The following CAMK2D variants were observed in gnomAD, a reference collection of about 807,000 sequenced individuals.
CAMK2D encodes calcium/calmodulin dependent protein kinase II delta, also known as calcium/calmodulin-dependent protein kinase type II subunit delta.
Under a neutral mutation model 84.0 loss-of-function variants are expected in CAMK2D, and 37 were observed. That is an observed-to-expected ratio of 0.44 (90% CI 0.34 to 0.58). The LOEUF (loss-of-function observed/expected upper bound fraction) is 0.58, where lower values mean the gene tolerates loss of function less well. Among genes scored for constraint, CAMK2D ranks in the 20% least tolerant of loss-of-function variants. The pLI is 0.02. For synonymous variants in CAMK2D, 202 were observed against 212.5 expected (o/e 0.95, Z 0.43); for missense variants, 448 against 652.5 (o/e 0.69, Z 3.41).
At chr4:113,693,953 T>C (rs1425227774) in intron 2 of CAMK2D, among the ~76,000 whole-genome samples, 1 of 152,190 alleles carries the variant, frequency 6.6e-6, no homozygotes, top group Non-Finnish European at 1.5e-5. Flanking sequence ...AATTTTAATA[T>C]ATCTACTCAC....
chr4:113,711,740 C>T (rs1554071880), intron 2 of CAMK2D, among the ~76,000 whole-genome samples: 1 of 152,158 alleles, frequency 6.6e-6, no homozygotes, highest in Non-Finnish European at 1.5e-5. Flanking sequence ...AGGGCCTTCA[C>T]TAACTCTCCA....
At chr4:113,753,170 A>T (rs1230556006) in intron 2 of CAMK2D, among the ~76,000 whole-genome samples, 2 of 152,056 alleles carry the variant, frequency 1.3e-5, no homozygotes, top group Non-Finnish European at 2.9e-5. Context: ...TGGACATAAT[A>T]TTGTTCTAGG....
intron 4 of CAMK2D, among the ~76,000 whole-genome samples, chr4:113,574,844 TG>T (rs1285821335): frequency 1.3e-5 from 2 of 152,218 alleles, no homozygotes; most frequent in East Asian, 3.8e-4. Context: ...AACACATAAA[TG>T]AAAACATTAA....
intron 2 of CAMK2D, among the ~76,000 whole-genome samples, chr4:113,753,201 T>C (rs2099621250): frequency 1.3e-5 from 2 of 152,054 alleles, no homozygotes; most frequent in African/African-American, 4.8e-5. Flanking sequence ...GTGGATTAAA[T>C]AAAATAAAAC....
chr4:113,616,276 C>T (rs1200456915), intron 3 of CAMK2D, among the ~76,000 whole-genome samples: 1 of 152,028 alleles, frequency 6.6e-6, no homozygotes, highest in African/African-American at 2.4e-5. Context: ...TCTAAAAGTA[C>T]ACAAAGAAAG....
rs35574643 is a variant in CAMK2D, at chr4:113,504,831, CAAAA to C, written c.1044+141_1044+144del. On this transcript the variant is annotated intron_variant, in intron 14 of 20. Coordinates refer to ENST00000511664, the MANE Select transcript of CAMK2D (RefSeq NM_001321571.2). ...ATGAACTTGGTCATATCATAGAAAG[CAAAA>C]AAAAAAAAAAACAAAACCCAACACC... is the stretch of plus-strand genomic sequence containing the variant. 6.3e-3 allele frequency: 1,509 copies of C among 241,360 alleles called. 9 individuals carry two copies. Among genetic ancestry groups the C allele is most frequent in the Non-Finnish European group, 8.0e-3 (1,155 of 144,944 alleles). The allele number at this position is 241,360 out of a possible 1,614,324, so 15.0% of individuals were successfully genotyped here. A position where few individuals can be genotyped will look rare whatever the true frequency, so the allele number is the denominator to read the frequency against.
chr4:113,515,044 G>T (rs772257255), intron 10 of CAMK2D, 25 bp downstream of exon 10: 2 of 1,605,154 alleles, frequency 1.2e-6, no homozygotes, highest in Admixed American at 3.3e-5. Flanking sequence ...TTTAGTTCTT[G>T]AAGTTTTGGA....
At chr4:113,624,113 A>AT (rs2099057954) in intron 3 of CAMK2D, among the ~76,000 whole-genome samples, 1 of 152,058 alleles carries the variant, frequency 6.6e-6, no homozygotes, top group African/African-American at 2.4e-5. Flanking sequence ...CTTTCCTTCT[A>AT]TTTTCTGTAG....
chr4:113,600,591 C>A (rs551773583), intron 4 of CAMK2D, among the ~76,000 whole-genome samples: 23 of 152,058 alleles, frequency 1.5e-4, no homozygotes, highest in African/African-American at 5.3e-4. Context: ...GATATAACAC[C>A]AAGAAATCCA....
At chr4:113,530,845 G>A (rs2098453345) in intron 8 of CAMK2D, among the ~76,000 whole-genome samples, 1 of 152,162 alleles carries the variant, frequency 6.6e-6, no homozygotes, top group South Asian at 2.1e-4. Flanking sequence ...AGCACTTTGA[G>A]AGGCTGAGGC....
intron 4 of CAMK2D, among the ~76,000 whole-genome samples, chr4:113,568,309 A>G (rs1258228868): frequency 6.6e-6 from 1 of 152,196 alleles, no homozygotes; most frequent in African/African-American, 2.4e-5. Context: ...ATTATTTCAT[A>G]TAAGTGGAAC....
At chr4:113,461,062 A>G (rs2097367200) in intron 17 of CAMK2D, among the ~76,000 whole-genome samples, 1 of 152,222 alleles carries the variant, frequency 6.6e-6, no homozygotes, top group African/African-American at 2.4e-5. Context: ...CTTGAAAGAA[A>G]GTATCACACC....
At chr4:113,543,449 G>T (rs543226503) in intron 6 of CAMK2D, among the ~76,000 whole-genome samples, 20 of 149,624 alleles carry the variant, frequency 1.3e-4, no homozygotes, top group Non-Finnish European at 2.8e-4. Context: ...TTGAACTCCT[G>T]GCCTCAAGCA....
intron 3 of CAMK2D, among the ~76,000 whole-genome samples, chr4:113,655,093 G>T (rs1201589699): frequency 1.3e-5 from 2 of 151,924 alleles, no homozygotes; most frequent in African/African-American, 4.8e-5. Context: ...AAAGTAAGAT[G>T]CATTACCTCA....
intron 2 of CAMK2D, among the ~76,000 whole-genome samples, chr4:113,751,561 G>A (rs535123289): frequency 7.3e-4 from 111 of 152,142 alleles, no homozygotes; most frequent in African/African-American, 2.5e-3. Context: ...CACGAGGTCC[G>A]GTGTTCGAGA....
chr4:113,567,615 T>C (rs1239811215), intron 4 of CAMK2D, among the ~76,000 whole-genome samples: 3 of 152,342 alleles, frequency 2.0e-5, no homozygotes, highest in South Asian at 2.1e-4. Context: ...AAAGCAAATA[T>C]GGATGAAATT....
In CAMK2D at chr4:113,515,017, G is replaced by A. The variant is rs1043721607; in HGVS notation, c.819+52C>T. On this transcript the variant is annotated intron_variant, in intron 10 of 20. Coordinates refer to ENST00000511664, the MANE Select transcript of CAMK2D (RefSeq NM_001321571.2). ...TAAATCCATAAACAATATATTAAAG[G>A]AGAGCTTATTTTTCATTTTAGTTCT... 4.0e-6 allele frequency: 6 copies of A among 1,515,776 alleles called. No homozygotes were observed. The African/African-American group carries it at 8.3e-5, about 21-fold the overall frequency. 93.9% of individuals were successfully genotyped at this position (1,515,776 alleles called of 1,614,324 possible).
intron 19 of CAMK2D, chr4:113,456,606 T>C (rs552498694): frequency 6.6e-6 from 1 of 152,334 alleles, no homozygotes; most frequent in Admixed American, 6.5e-5. Context: ...AAAGTGTACT[T>C]CCAAACTGTT....
chr4:113,509,389 C>T (rs2098178337), intron 13 of CAMK2D, among the ~76,000 whole-genome samples: 1 of 152,152 alleles, frequency 6.6e-6, no homozygotes, highest in South Asian at 2.1e-4. Context: ...TCTATAGGAA[C>T]TCTATATTGT....
Sources: gnomAD v4.1 joint callset for allele counts (sites outside exome capture counted in the v4.1 genomes callset) on GRCh38, gnomAD v4.1.1 for gene constraint, MANE v1.5 for transcripts, NCBI Gene and HGNC (gene_info 2026-07-23, HGNC 2026-07-21) for gene names.